The following NGEF variants were observed in gnomAD, a reference collection of about 807,000 sequenced individuals.
NGEF encodes the protein neuronal guanine nucleotide exchange factor.
Under a neutral mutation model 80.9 loss-of-function variants are expected in NGEF, and 31 were observed. The observed-to-expected ratio is 0.38, with a 90% CI of 0.29 to 0.52. NGEF has a LOEUF of 0.52. NGEF is among the 20% of genes least tolerant of loss of function. The pLI is 0.84. For missense variants in NGEF, 709 were observed against 926.2 expected, an observed-to-expected ratio of 0.77 and a Z score of 3.04; for synonymous variants, 371 against 370.2, an observed-to-expected ratio of 1.00 and a Z score of -0.03.
At chr2:232,991,181 A>G (rs1343981623) in intron 1 of NGEF, among the ~76,000 whole-genome samples, 1 of 152,132 alleles carries the variant, frequency 6.6e-6, no homozygotes, top group Non-Finnish European at 1.5e-5. Flanking sequence ...GAAGAAGATA[A>G]GAATGCCCAC....
rs116595240 is a variant in NGEF at position 232,913,648 on chromosome 2, C to T, written c.828+6636G>A. Among the ~76,000 whole-genome samples, 386 of 152,188 alleles carry T rather than the reference C, an allele frequency of 2.5e-3. 5 individuals carry two copies. Among genetic ancestry groups the T allele is most frequent in the African/African-American group, 8.7e-3 (363 of 41,514 alleles). ...ATTAAAATAATTTTGTAGCCGGGCG[C>T]GGTGACTCACACCTGTAATCCCAGC... On this transcript the variant is annotated intron_variant, in intron 5 of 14. Transcript: ENST00000264051.
intron 1 of NGEF, among the ~76,000 whole-genome samples, chr2:233,011,025 G>A (rs1371668213): frequency 2.0e-5 from 3 of 152,144 alleles, no homozygotes; most frequent in African/African-American, 7.2e-5. Context: ...CTCAGAGATG[G>A]AACCCCCTGC....
At chr2:232,987,772 T>C (rs949432011) in intron 1 of NGEF, among the ~76,000 whole-genome samples, 2 of 152,156 alleles carry the variant, frequency 1.3e-5, no homozygotes, top group African/African-American at 2.4e-5. Flanking sequence ...AAAGGGATTG[T>C]GGCCTGTGTG....
intron 3 of NGEF, among the ~76,000 whole-genome samples, chr2:232,942,241 C>A (rs1235270268): frequency 6.6e-6 from 1 of 152,198 alleles, no homozygotes; most frequent in Admixed American, 6.5e-5. Flanking sequence ...CTATCAGAAA[C>A]CCTGATCACT....
chr2:233,001,676 C>T (rs114749593), intron 1 of NGEF, among the ~76,000 whole-genome samples: 2,186 of 152,294 alleles, frequency 0.014, 48 homozygotes, highest in African/African-American at 0.049. Flanking sequence ...TTTTTAAAAA[C>T]GAGCAGTAGC....
At chr2:232,917,426 CAATG>C (rs1409808275) in intron 5 of NGEF, among the ~76,000 whole-genome samples, 1 of 151,426 alleles carries the variant, frequency 6.6e-6, no homozygotes, top group African/African-American at 2.4e-5. Context: ...TTTTTTTAAA[CAATG>C]AAAGTGCATA....
chr2:232,940,483 T>A (rs1375664581), intron 3 of NGEF, among the ~76,000 whole-genome samples: 1 of 152,228 alleles, frequency 6.6e-6, no homozygotes, highest in Non-Finnish European at 1.5e-5. Context: ...GGCAAAGAGA[T>A]TCTACTTCTA....
chr2:232,941,680 G>A (rs1018848214), intron 3 of NGEF, among the ~76,000 whole-genome samples: 10 of 152,152 alleles, frequency 6.6e-5, no homozygotes, highest in Non-Finnish European at 1.5e-4. Context: ...CCCTTAATGC[G>A]CATAAATGTA....
At chr2:233,006,724 A>T (rs563793523) in intron 1 of NGEF, among the ~76,000 whole-genome samples, 16 of 152,212 alleles carry the variant, frequency 1.1e-4, no homozygotes, top group Admixed American at 3.9e-4. Context: ...GCACCATCTC[A>T]TTGAACACTC....
intron 9 of NGEF, among the ~76,000 whole-genome samples, chr2:232,887,042 A>G (rs957724953): frequency 2.0e-5 from 3 of 152,254 alleles, no homozygotes; most frequent in Non-Finnish European, 4.4e-5. Flanking sequence ...CGACTGCAAT[A>G]GGGTAGGAAG....
At chr2:232,951,762 T>C (rs577959002) in intron 3 of NGEF, among the ~76,000 whole-genome samples, 1 of 152,292 alleles carries the variant, frequency 6.6e-6, no homozygotes, top group East Asian at 1.9e-4. Flanking sequence ...AATCCCAACA[T>C]GTTGTTTAGG....
intron 3 of NGEF, among the ~76,000 whole-genome samples, chr2:232,953,818 T>C (rs1363119748): frequency 6.6e-6 from 1 of 152,122 alleles, no homozygotes; most frequent in Non-Finnish European, 1.5e-5. Flanking sequence ...TGGAGCTTCC[T>C]GGGAAGCTGC....
At chr2:233,009,005 C>T (rs557791771) in intron 1 of NGEF, among the ~76,000 whole-genome samples, 1 of 152,280 alleles carries the variant, frequency 6.6e-6, no homozygotes, top group South Asian at 2.1e-4. Context: ...CCATGTTGGC[C>T]AGGCTGGTCT....
chr2:232,921,605 C>T (rs1049594260), intron 4 of NGEF, among the ~76,000 whole-genome samples: 1 of 151,686 alleles, frequency 6.6e-6, no homozygotes, highest in Non-Finnish European at 1.5e-5. Flanking sequence ...GTGTGTGTCA[C>T]CATGGCCGGC....
Position 232,879,437 on chromosome 2 carries a change from T to A in NGEF, c.*52A>T. On this transcript the variant is annotated 3_prime_UTR_variant, in exon 15 of 15. Transcript: ENST00000264051. ...TTCCCAGAGCCCCCCCCCCCCCACC[T>A]TCTGTCGGGGTCTCATGCAGGCCCT... 49 of 975,616 alleles carry A rather than the reference T, an allele frequency of 5.0e-5. No homozygotes were observed. Among genetic ancestry groups the A allele is most frequent in the Non-Finnish European group, 6.2e-5 (43 of 688,258 alleles). 60.4% of individuals were successfully genotyped at this position (975,616 alleles called of 1,614,324 possible). A position where few individuals can be genotyped will look rare whatever the true frequency, so the allele number is the denominator to read the frequency against.
At chr2:232,888,530 CAT>C (rs1271227755) in intron 8 of NGEF, among the ~76,000 whole-genome samples, 1 of 116,792 alleles carries the variant, frequency 8.6e-6, no homozygotes, top group Non-Finnish European at 1.8e-5. Context: ...TGTGCGCACA[CAT>C]ACATGCATGC....
At chr2:232,947,227 C>G (rs929646788) in intron 3 of NGEF, among the ~76,000 whole-genome samples, 7 of 152,202 alleles carry the variant, frequency 4.6e-5, no homozygotes, top group Non-Finnish European at 1.0e-4. Context: ...ATGGGCCAAG[C>G]TGACATGAAT....
intron 5 of NGEF, among the ~76,000 whole-genome samples, chr2:232,911,879 T>C (rs1000289742): frequency 7.2e-5 from 11 of 152,212 alleles, no homozygotes; most frequent in African/African-American, 2.7e-4. Flanking sequence ...AAAATCACTA[T>C]TAGTTCTAAG....
At chr2:232,884,991 C>T (rs897833144) in intron 10 of NGEF, 6 of 337,946 alleles carry the variant, frequency 1.8e-5, no homozygotes, top group Admixed American at 4.5e-5. Context: ...CTCAAGGCCA[C>T]GCAGCGGGCA....
Sources: allele counts gnomAD v4.1 joint callset (sites outside exome capture counted in the v4.1 genomes callset), GRCh38; gene constraint gnomAD v4.1.1; transcripts MANE v1.5; gene names NCBI Gene and HGNC (gene_info 2026-07-23, HGNC 2026-07-21).